The following SOCS2 variants were observed in gnomAD, a reference collection of about 807,000 sequenced individuals.
SOCS2 encodes suppressor of cytokine signaling 2, also known as CIS-2.
SOCS2 carries 10 observed loss-of-function variants against 18.6 expected under a neutral mutation model. The observed-to-expected ratio is 0.54, with a 90% CI of 0.33 to 0.91. The LOEUF is 0.91. Ranked by LOEUF, SOCS2 falls within the 40% of genes least tolerant of loss-of-function variation. The pLI is 0.02. For missense variants in SOCS2, 231 were observed against 247.2 expected (o/e 0.93, Z 0.44); for synonymous variants, 104 against 104.0 (o/e 1.00, Z 0.00).
At chr12:93,621,782 C>T in the SOCS2 span, among the ~76,000 whole-genome samples, 3 of 152,124 alleles carry the variant, frequency 2.0e-5, no homozygotes, top group Admixed American at 1.3e-4. Flanking sequence ...GCTGCCATGC[C>T]CAGCCTACTT....
chr12:93,613,426 A>AAAAAC, the SOCS2 span, among the ~76,000 whole-genome samples: 1 of 152,064 alleles, frequency 6.6e-6, no homozygotes, highest in East Asian at 1.9e-4. Context: ...AACCAAAAAC[A>AAAAAC]AAAACAAACA....
chr12:93,604,772 T>C, the SOCS2 span, among the ~76,000 whole-genome samples: 2 of 152,080 alleles, frequency 1.3e-5, no homozygotes, highest in African/African-American at 4.8e-5. Flanking sequence ...TGATCCTCCC[T>C]CCTCAGCCCC....
At chr12:93,617,676 A>G in the SOCS2 span, among the ~76,000 whole-genome samples, 4 of 151,828 alleles carry the variant, frequency 2.6e-5, no homozygotes, top group Admixed American at 6.5e-5. Context: ...GTAATAATCA[A>G]AATGAACATA....
chr12:93,571,894 G>T (rs755390005), upstream of SOCS2: 452 of 433,372 alleles, frequency 1.0e-3, 5 homozygotes, highest in Middle Eastern at 4.3e-3. Flanking sequence ...GGCGGCGGCG[G>T]CGGCCGCGGC....
chr12:93,614,605 T>C, the SOCS2 span, among the ~76,000 whole-genome samples: 2 of 124,816 alleles, frequency 1.6e-5, no homozygotes, highest in Non-Finnish European at 3.2e-5. Flanking sequence ...CTTTCTTTCT[T>C]TCTTTCTTTC....
chr12:93,614,574 TCTTTCTTTC>T, the SOCS2 span, among the ~76,000 whole-genome samples: 8 of 82,226 alleles, frequency 9.7e-5, no homozygotes, highest in Non-Finnish European at 1.8e-4. Flanking sequence ...TTTCTTTCTT[TCTTTCTTTC>T]TTTCTTTCTT....
the SOCS2 span, among the ~76,000 whole-genome samples, chr12:93,588,942 T>C: frequency 6.6e-6 from 1 of 152,198 alleles, no homozygotes; most frequent in Non-Finnish European, 1.5e-5. Flanking sequence ...AATTTGTTGA[T>C]AGATCAGGGA....
chr12:93,612,354 C>T, the SOCS2 span, among the ~76,000 whole-genome samples: 11 of 152,060 alleles, frequency 7.2e-5, no homozygotes, highest in African/African-American at 2.7e-4. Flanking sequence ...AATCACAGTG[C>T]CATTGTACTT....
At chr12:93,574,202 TTC>T (rs150074995) in intron 1 of SOCS2, 1 of 136,116 alleles carries the variant, frequency 7.3e-6, no homozygotes, top group African/African-American at 2.6e-5. Context: ...GCTTTGCAGA[TTC>T]TTTTTTTTTT....
At chr12:93,608,121 C>T in the SOCS2 span, among the ~76,000 whole-genome samples, 2 of 150,658 alleles carry the variant, frequency 1.3e-5, no homozygotes, top group African/African-American at 4.9e-5. Flanking sequence ...CTGCCTCAAA[C>T]TCCTCAAACT....
At chr12:93,615,411 G>T in the SOCS2 span, among the ~76,000 whole-genome samples, 10 of 152,284 alleles carry the variant, frequency 6.6e-5, no homozygotes, top group African/African-American at 2.2e-4. Context: ...CCTGGGCAGG[G>T]ATCCTGCAGA....
At chr12:93,604,087 G>A in the SOCS2 span, among the ~76,000 whole-genome samples, 2 of 151,996 alleles carry the variant, frequency 1.3e-5, no homozygotes, top group Non-Finnish European at 2.9e-5. Context: ...AAAACGTTGC[G>A]GTGTTGGCCT....
At chr12:93,609,158 G>A in the SOCS2 span, among the ~76,000 whole-genome samples, 4 of 152,028 alleles carry the variant, frequency 2.6e-5, no homozygotes, top group Admixed American at 1.3e-4. Context: ...TCGGGAGGCC[G>A]AGGCAGGCAA....
the SOCS2 span, among the ~76,000 whole-genome samples, chr12:93,600,646 C>T: frequency 4.6e-5 from 7 of 151,384 alleles, no homozygotes; most frequent in Non-Finnish European, 8.8e-5. Flanking sequence ...TTTTTATGTA[C>T]CTCAATCAAG....
chr12:93,575,176 A>G lies in SOCS2; in HGVS notation c.594A>G (p.Val198=). ...ACTTGGAAGAATATAAATTCCAGGT[A>G]TAAATGTTTCTCTTTTTTTAAACAT... The part of the protein sequence containing the change: ...KDYLEEYKFQ[V] Residue 198 remains valine (V), a synonymous_variant, in exon 2 of 2, where the codon GTA becomes GTG. Coordinates refer to ENST00000551556, the MANE Select transcript of SOCS2 (RefSeq NM_001270471.2). 2 of 1,532,702 alleles carry G rather than the reference A, an allele frequency of 1.3e-6. No homozygotes were observed. Among genetic ancestry groups the G allele is most frequent in the Non-Finnish European group, 1.7e-6 (2 of 1,144,440 alleles). The allele number at this position is 1,532,702 out of a possible 1,614,324, so 94.9% of individuals were successfully genotyped here.
chr12:93,616,047 G>A, the SOCS2 span, among the ~76,000 whole-genome samples: 1 of 152,200 alleles, frequency 6.6e-6, no homozygotes, highest in African/African-American at 2.4e-5. Flanking sequence ...CCTGCCTCAG[G>A]CCCTGTGGGG....
the SOCS2 span, among the ~76,000 whole-genome samples, chr12:93,614,594 TCTTTCTTTCTTTCTTTCTTTC>T: frequency 8.7e-6 from 1 of 115,244 alleles, no homozygotes; most frequent in African/African-American, 3.8e-5. Context: ...TTTCTTTCTT[TCTTTCTTTCTTTCTTTCTTTC>T]TTTCTTTCTT....
the SOCS2 span, among the ~76,000 whole-genome samples, chr12:93,625,708 A>G: frequency 5.2e-3 from 774 of 148,178 alleles, 6 homozygotes; most frequent in African/African-American, 0.018. Context: ...AGATCACGCC[A>G]CTGCACTCCA....
At chr12:93,616,145 T>C in the SOCS2 span, among the ~76,000 whole-genome samples, 1 of 152,204 alleles carries the variant, frequency 6.6e-6, no homozygotes, top group South Asian at 2.1e-4. Flanking sequence ...ACTAGGCCTC[T>C]TCAATCAGAG....
Sources: allele counts gnomAD v4.1 joint callset (sites outside exome capture counted in the v4.1 genomes callset), GRCh38; gene constraint gnomAD v4.1.1; transcripts MANE v1.5; gene names NCBI Gene and HGNC (gene_info 2026-07-23, HGNC 2026-07-21).